PTPN9: variants seen among roughly 807,000 people sequenced by gnomAD.
PTPN9 encodes the protein tyrosine-protein phosphatase non-receptor type 9.
In PTPN9, 26 loss-of-function variants were observed where a neutral mutation model predicts 69.8. The ratio of observed to expected loss-of-function variants is 0.37; its 90% CI spans 0.27 to 0.52. The LOEUF is 0.52. Ranked by LOEUF, PTPN9 falls within the 20% of genes least tolerant of loss-of-function variation. PTPN9 has a pLI of 0.91. For missense variants in PTPN9, 549 were observed against 740.3 expected (o/e 0.74, Z 3.00); for synonymous variants, 274 against 272.5 (o/e 1.01, Z -0.05).
chr15:75,491,115 A>T (rs1384968223), intron 7 of PTPN9, among the ~76,000 whole-genome samples: 5 of 151,572 alleles, frequency 3.3e-5, no homozygotes, highest in Admixed American at 1.3e-4. Flanking sequence ...ACTTAAAAAA[A>T]AGAGAAGCTG....
chr15:75,471,077 CT>C (rs2141669494), intron 10 of PTPN9, among the ~76,000 whole-genome samples: 1 of 152,326 alleles, frequency 6.6e-6, no homozygotes, highest in African/African-American at 2.4e-5. Context: ...AGCATTTGGT[CT>C]TTTTCCTAAT....
intron 7 of PTPN9, among the ~76,000 whole-genome samples, chr15:75,504,599 A>C (rs2074804471): frequency 1.6e-5 from 2 of 127,788 alleles, no homozygotes; most frequent in Admixed American, 1.5e-4. Context: ...GGAAGTGAGG[A>C]GCCCCTCTGC....
intron 1 of PTPN9, among the ~76,000 whole-genome samples, chr15:75,564,457 G>C (rs370957192): frequency 1.3e-5 from 2 of 151,804 alleles, no homozygotes; most frequent in African/African-American, 2.4e-5. Flanking sequence ...TTAGCCAGGC[G>C]TGGTAGCGGG....
intron 10 of PTPN9, among the ~76,000 whole-genome samples, chr15:75,471,150 T>C (rs1028432791): frequency 2.6e-5 from 4 of 152,130 alleles, no homozygotes; most frequent in African/African-American, 9.7e-5. Context: ...AAAAACAGTA[T>C]AGTAGCTGGG....
chr15:75,503,583 G>T (rs1364441748), intron 7 of PTPN9, among the ~76,000 whole-genome samples: 1 of 140,702 alleles, frequency 7.1e-6, no homozygotes, highest in African/African-American at 2.6e-5. Context: ...CGCTCCGTCC[G>T]GGAGGGAGGT....
In PTPN9 at chr15:75,558,526, T is replaced by C. The variant is rs1178295010; in HGVS notation, c.63+20188A>G. 7.3e-5 allele frequency among the ~76,000 whole-genome samples: 11 copies of C among 150,362 alleles called. No homozygotes were observed. The East Asian group carries it at 2.2e-3, about 30-fold the overall frequency. ...CTCCCTCTCCCTCTCCCCCTCCCCC[T>C]CTCCCCACGGTCTCCCGATCCCTCT... On this transcript the variant is annotated intron_variant, in intron 1 of 12. Coordinates refer to ENST00000618819, the MANE Select transcript of PTPN9 (RefSeq NM_002833.4).
intron 1 of PTPN9, among the ~76,000 whole-genome samples, chr15:75,535,561 GC>G (rs1288502511): frequency 6.6e-6 from 1 of 152,194 alleles, no homozygotes; most frequent in Non-Finnish European, 1.5e-5. Flanking sequence ...ATGAAAAAAT[GC>G]AGTCAGTCAT....
intron 1 of PTPN9, among the ~76,000 whole-genome samples, chr15:75,546,514 A>G (rs2075033738): frequency 6.6e-6 from 1 of 151,992 alleles, no homozygotes; most frequent in Non-Finnish European, 1.5e-5. Flanking sequence ...ATGGTGGCAC[A>G]TGCCTGTACT....
intron 6 of PTPN9, among the ~76,000 whole-genome samples, chr15:75,508,207 AT>A (rs1268636316): frequency 1.3e-5 from 2 of 152,124 alleles, no homozygotes; most frequent in Non-Finnish European, 2.9e-5. Flanking sequence ...CACGCAGGAG[AT>A]TATAACAGAA....
chr15:75,517,489 C>T, intron 4 of PTPN9, 125 bp from the exon 5 acceptor site: 1 of 638,176 alleles, frequency 1.6e-6, no homozygotes, highest in Non-Finnish European at 2.7e-6. Flanking sequence ...AACTGCCTGA[C>T]TGCACACTGG....
intron 5 of PTPN9, chr15:75,512,897 GCT>G: frequency 3.0e-6 from 1 of 333,204 alleles, no homozygotes; most frequent in Non-Finnish European, 5.8e-6. Context: ...GTATTTGCAA[GCT>G]ACATGTTCTT....
At chr15:75,479,778 G>T in intron 9 of PTPN9, 70 bp downstream of exon 9, 1 of 1,294,918 alleles carries the variant, frequency 7.7e-7, no homozygotes, top group Non-Finnish European at 1.1e-6. Flanking sequence ...TAAAAATTAT[G>T]CTATCATTTG....
chr15:75,481,174 G>C (rs2074631484), intron 8 of PTPN9, among the ~76,000 whole-genome samples: 1 of 78,804 alleles, frequency 1.3e-5, no homozygotes, highest in East Asian at 3.7e-4. Context: ...CCCCCTCTGG[G>C]AGGTGAGGAG....
chr15:75,545,392 AC>A (rs574454821), intron 1 of PTPN9, among the ~76,000 whole-genome samples: 2 of 151,872 alleles, frequency 1.3e-5, no homozygotes, highest in Non-Finnish European at 2.9e-5. Flanking sequence ...ACATAGTGAG[AC>A]CCCCCCATCT....
intron 1 of PTPN9, among the ~76,000 whole-genome samples, chr15:75,563,993 G>C (rs769210694): frequency 5.9e-5 from 9 of 151,782 alleles, no homozygotes; most frequent in Admixed American, 2.0e-4. Flanking sequence ...GGGGAACAGA[G>C]ACACTTCAGG....
intron 1 of PTPN9, among the ~76,000 whole-genome samples, chr15:75,567,622 T>C (rs1390080626): frequency 6.6e-6 from 1 of 152,172 alleles, no homozygotes; most frequent in Non-Finnish European, 1.5e-5. Context: ...AAGTGACAAG[T>C]ACTGTGCCGG....
intron 1 of PTPN9, among the ~76,000 whole-genome samples, chr15:75,553,727 A>T (rs566835618): frequency 6.6e-6 from 1 of 152,118 alleles, no homozygotes. Context: ...CTTGCTGCTA[A>T]TCTGGCCCTG....
chr15:75,490,238 C>T lies in PTPN9; in HGVS notation c.1032G>A (p.Val344=), dbSNP rs2074701282. 2 of 1,613,608 alleles carry T rather than the reference C, an allele frequency of 1.2e-6. No individual in the cohort carries two copies. Among genetic ancestry groups the T allele is most frequent in the South Asian group, 1.1e-5 (1 of 91,080 alleles). The change falls in exon 8 of 13, where the codon GTG becomes GTA. Residue 344 remains valine, a synonymous_variant. Transcript: ENST00000618819. ...GDVPCLDQTR[V]KLTKRSGHTQ... ...TATGGCCACTTCGCTTTGTTAGCTTCACTCTAGTTTGGTCCAGGCAGGGTA... is the reference window on the plus strand; with the variant it reads ...TATGGCCACTTCGCTTTGTTAGCTTTACTCTAGTTTGGTCCAGGCAGGGTA...
intron 1 of PTPN9, among the ~76,000 whole-genome samples, chr15:75,536,279 T>C (rs2074982046): frequency 6.6e-6 from 1 of 152,168 alleles, no homozygotes; most frequent in African/African-American, 2.4e-5. Flanking sequence ...AGACACAACA[T>C]AGATCGCTTC....
Sources: gnomAD v4.1 joint callset for allele counts (sites outside exome capture counted in the v4.1 genomes callset) on GRCh38, gnomAD v4.1.1 for gene constraint, MANE v1.5 for transcripts, NCBI Gene and HGNC (gene_info 2026-07-23, HGNC 2026-07-21) for gene names.